Variants in SH3D19 observed in about 807,000 individuals in gnomAD.
The protein encoded by SH3D19 is SH3 domain containing 19.
Under a neutral mutation model 112.1 loss-of-function variants are expected in SH3D19, and 58 were observed. That is an observed-to-expected ratio of 0.52 (90% CI 0.42 to 0.64). The LOEUF (loss-of-function observed/expected upper bound fraction) is 0.64. SH3D19 is among the 30% of genes least tolerant of loss of function. The pLI is 0.00. For synonymous variants in SH3D19, 391 were observed against 448.5 expected, an observed-to-expected ratio of 0.87 and a Z score of 1.62; for missense variants, 1,090 against 1,263.4, an observed-to-expected ratio of 0.86 and a Z score of 2.08.
intron 1 of SH3D19, among the ~76,000 whole-genome samples, chr4:151,298,181 A>ATTTTTTTTTTTTTTT (rs386401883): frequency 3.2e-5 from 3 of 94,886 alleles, no homozygotes; most frequent in Non-Finnish European, 6.0e-5. Context: ...AGAATAATAA[A>ATTTTTTTTTTTTTTT]TTTTTTTTTT....
At chr4:151,150,936 G>A (rs1754943662) in intron 9 of SH3D19, among the ~76,000 whole-genome samples, 1 of 151,560 alleles carries the variant, frequency 6.6e-6, no homozygotes, top group Non-Finnish European at 1.5e-5. Flanking sequence ...TTTTTGGAGG[G>A]GGAAAAAGCC....
intron 2 of SH3D19, among the ~76,000 whole-genome samples, chr4:151,201,386 T>C (rs1580128674): frequency 6.6e-6 from 1 of 152,376 alleles, no homozygotes; most frequent in African/African-American, 2.4e-5. Context: ...TTAATCAAAT[T>C]AAATCCATAT....
At chr4:151,199,754 C>G (rs951621567) in intron 2 of SH3D19, among the ~76,000 whole-genome samples, 1 of 152,092 alleles carries the variant, frequency 6.6e-6, no homozygotes, top group African/African-American at 2.4e-5. Flanking sequence ...CAAATGACAC[C>G]GGAATCCATG....
intron 1 of SH3D19, among the ~76,000 whole-genome samples, chr4:151,284,933 C>A (rs1201790537): frequency 1.3e-5 from 2 of 152,142 alleles, no homozygotes; most frequent in African/African-American, 4.8e-5. Flanking sequence ...GGGACTCTCG[C>A]TCTGTGGCTC....
chr4:151,316,137 A>G (rs979081106), intron 1 of SH3D19, among the ~76,000 whole-genome samples: 1 of 152,170 alleles, frequency 6.6e-6, no homozygotes, highest in Admixed American at 6.5e-5. Flanking sequence ...TTGAATTGTG[A>G]TAAAAATGGC....
chr4:151,258,166 T>C (rs1415808871), intron 1 of SH3D19, among the ~76,000 whole-genome samples: 1 of 152,260 alleles, frequency 6.6e-6, no homozygotes, highest in East Asian at 1.9e-4. Context: ...CTATAGATCC[T>C]GTTCCACATT....
intron 8 of SH3D19, among the ~76,000 whole-genome samples, chr4:151,162,268 T>C (rs1338603781): frequency 2.0e-5 from 3 of 152,108 alleles, no homozygotes; most frequent in Non-Finnish European, 4.4e-5. Context: ...TGTTCCTGTG[T>C]TAGCATGCTG....
intron 2 of SH3D19, among the ~76,000 whole-genome samples, chr4:151,210,121 G>GA (rs1561347606): frequency 6.6e-6 from 1 of 152,076 alleles, no homozygotes; most frequent in African/African-American, 2.4e-5. Flanking sequence ...TAATTTGGTA[G>GA]TATATATGAA....
intron 2 of SH3D19, among the ~76,000 whole-genome samples, chr4:151,213,683 A>ATTTATTTATTTATTTATTT (rs1554055392): frequency 6.8e-6 from 1 of 148,034 alleles, no homozygotes; most frequent in East Asian, 2.0e-4. Context: ...TTAATTAATT[A>ATTTATTTATTTATTTATTT]ATTAATTTAT....
rs150048099 is a variant in SH3D19, at chr4:151,294,577, C to G, written c.112+30664G>C. ...CAGCATGTTACCCAACAGATGCACT[C>G]AGTGTTGGACAACACAACAGACCCT... On this transcript the variant is annotated intron_variant, in intron 1 of 19. Coordinates refer to ENST00000604030, the MANE Select transcript of SH3D19 (RefSeq NM_001378122.1). Among the ~76,000 whole-genome samples the G allele has an allele frequency of 2.3e-3, 345 of 152,334 alleles. 3 individuals carry two copies. Among genetic ancestry groups the G allele is most frequent in the Middle Eastern group, 0.014 (4 of 294 alleles).
chr4:151,152,095 G>A (rs535968782), intron 9 of SH3D19, among the ~76,000 whole-genome samples: 1 of 152,172 alleles, frequency 6.6e-6, no homozygotes, highest in East Asian at 1.9e-4. Flanking sequence ...AAAAAGAGTG[G>A]CATATTCAAA....
At chr4:151,307,728 A>G (rs2126355681) in intron 1 of SH3D19, among the ~76,000 whole-genome samples, 1 of 152,380 alleles carries the variant, frequency 6.6e-6, no homozygotes, top group African/African-American at 2.4e-5. Flanking sequence ...TAAAGCGCTC[A>G]GGACTAACAA....
intron 1 of SH3D19, among the ~76,000 whole-genome samples, chr4:151,281,706 C>T (rs189932750): frequency 1.3e-5 from 2 of 151,734 alleles, no homozygotes; most frequent in South Asian, 2.1e-4. Flanking sequence ...TTTTGTACAT[C>T]TTATCAAATT....
intron 1 of SH3D19, among the ~76,000 whole-genome samples, chr4:151,250,914 T>C (rs1401789925): frequency 6.6e-6 from 1 of 152,194 alleles, no homozygotes; most frequent in Non-Finnish European, 1.5e-5. Flanking sequence ...CAACAAAGAC[T>C]GTTGGCCGAT....
intron 1 of SH3D19, among the ~76,000 whole-genome samples, chr4:151,305,834 G>A (rs1163270870): frequency 2.0e-5 from 3 of 152,134 alleles, no homozygotes; most frequent in South Asian, 2.1e-4. Context: ...AATGTTTACA[G>A]CAGCTTATTC....
At chr4:151,310,021 T>C (rs906100694) in intron 1 of SH3D19, among the ~76,000 whole-genome samples, 10 of 147,346 alleles carry the variant, frequency 6.8e-5, no homozygotes, top group African/African-American at 2.5e-4. Flanking sequence ...TGGTGGCTCA[T>C]GCCTGTAATC....
chr4:151,248,975 T>C (rs995070978), intron 1 of SH3D19, among the ~76,000 whole-genome samples: 26 of 152,348 alleles, frequency 1.7e-4, no homozygotes, highest in African/African-American at 5.5e-4. Context: ...GTTGGCCATC[T>C]GTTACTTTTC....
At chr4:151,245,002 G>A (rs528978101) in intron 1 of SH3D19, among the ~76,000 whole-genome samples, 1 of 151,884 alleles carries the variant, frequency 6.6e-6, no homozygotes, top group African/African-American at 2.4e-5. Flanking sequence ...AAATTAGCCG[G>A]GTGTGGTGGC....
chr4:151,147,072 A>T lies in SH3D19; in HGVS notation c.2082+850T>A, dbSNP rs866604732. Among the ~76,000 whole-genome samples the T allele has an allele frequency of 8.5e-5, 13 of 152,216 alleles. 1 individual carries two copies. The highest frequency in any genetic ancestry group is 3.1e-4 in the African/African-American group (13 of 41,464). On this transcript the variant is annotated intron_variant, in intron 11 of 19. Coordinates refer to ENST00000604030, the MANE Select transcript of SH3D19 (RefSeq NM_001378122.1). The stretch of plus-strand genomic sequence containing the variant: ...ACTCAAGGGGAAAAGGAGTTATTAG[A>T]TATAAACTATATCATGATATAAACT...
Sources: allele counts gnomAD v4.1 joint callset (sites outside exome capture counted in the v4.1 genomes callset), GRCh38; gene constraint gnomAD v4.1.1; transcripts MANE v1.5; gene names NCBI Gene and HGNC (gene_info 2026-07-23, HGNC 2026-07-21).